Variants in TSPAN9 observed in about 807,000 individuals in gnomAD.
The protein encoded by TSPAN9 is tetraspanin 9.
TSPAN9 carries 16 observed loss-of-function variants against 31.0 expected under a neutral mutation model. The ratio of observed to expected loss-of-function variants is 0.52; its 90% CI spans 0.35 to 0.78. TSPAN9 has a LOEUF of 0.78. Ranked by LOEUF, TSPAN9 falls within the 30% of genes least tolerant of loss-of-function variation. The pLI, the probability that TSPAN9 is intolerant of heterozygous loss-of-function variation, is 0.01. For synonymous variants in TSPAN9, 145 were observed against 121.6 expected, an observed-to-expected ratio of 1.19 and a Z score of -1.27; for missense variants, 272 against 312.5, an observed-to-expected ratio of 0.87 and a Z score of 0.98.
At chr12:3,102,957 G>A (rs1397340941) in intron 2 of TSPAN9, among the ~76,000 whole-genome samples, 1 of 152,154 alleles carries the variant, frequency 6.6e-6, no homozygotes, top group Non-Finnish European at 1.5e-5. Flanking sequence ...ATGAACTCAC[G>A]AGGTGAAGCC....
chr12:3,271,599 C>T (rs924968576), intron 3 of TSPAN9, among the ~76,000 whole-genome samples: 2 of 152,058 alleles, frequency 1.3e-5, no homozygotes, highest in Non-Finnish European at 2.9e-5. Context: ...GCATTCAGCC[C>T]CTGGGAGACC....
intron 2 of TSPAN9, among the ~76,000 whole-genome samples, chr12:3,159,632 C>T (rs1057490164): frequency 3.3e-5 from 5 of 151,992 alleles, no homozygotes; most frequent in African/African-American, 4.8e-5. Flanking sequence ...TTTGGGATGC[C>T]GAGGCAGGAA....
intron 2 of TSPAN9, among the ~76,000 whole-genome samples, chr12:3,116,217 C>T (rs1409083811): frequency 6.6e-6 from 1 of 152,202 alleles, no homozygotes; most frequent in Non-Finnish European, 1.5e-5. Context: ...GGCTGCTGCC[C>T]CTATAAGCTG....
chr12:3,137,467 G>T (rs567611910), intron 2 of TSPAN9, among the ~76,000 whole-genome samples: 2 of 152,318 alleles, frequency 1.3e-5, no homozygotes, highest in South Asian at 4.1e-4. Context: ...GGTTTTTCCA[G>T]CTGACACAGC....
rs549375188 is a variant in TSPAN9, at chr12:3,276,840, G to A, written c.64-1581G>A. ...TACGCAGGTGTTCACTTGGGTTTGT[G>A]GAGGAATAAGCGAAGGAGATGCCCT... On this transcript the variant is annotated intron_variant, in intron 3 of 8. Coordinates refer to ENST00000011898, the MANE Select transcript of TSPAN9 (RefSeq NM_006675.5). 1.6e-3 allele frequency among the ~76,000 whole-genome samples: 251 copies of A among 152,286 alleles called. 1 individual carries two copies. The highest frequency in any genetic ancestry group is 0.012 in the South Asian group (57 of 4,822).
intron 2 of TSPAN9, among the ~76,000 whole-genome samples, chr12:3,182,478 T>TC (rs1214496113): frequency 3.9e-5 from 6 of 151,996 alleles, no homozygotes; most frequent in African/African-American, 7.2e-5. Flanking sequence ...TTTTTTTTTT[T>TC]CACTAGATAC....
At chr12:3,155,405 C>T (rs557079032) in intron 2 of TSPAN9, among the ~76,000 whole-genome samples, 5 of 152,242 alleles carry the variant, frequency 3.3e-5, no homozygotes, top group Admixed American at 6.5e-5. Context: ...GAAATCAGCA[C>T]GAGGAGGCCT....
chr12:3,265,620 G>GC, intron 3 of TSPAN9, among the ~76,000 whole-genome samples: 1 of 152,310 alleles, frequency 6.6e-6, no homozygotes, highest in South Asian at 2.1e-4. Context: ...TCTGTCCGCT[G>GC]CCCCTGCCTG....
At chr12:3,282,983 G>A in intron 8 of TSPAN9, 62 bp from the exon 9 acceptor site, 2 of 1,568,618 alleles carry the variant, frequency 1.3e-6, no homozygotes, top group Non-Finnish European at 1.7e-6. Context: ...AAGCCTCTCG[G>A]GGCTGAGGTC....
At chr12:3,232,479 C>G (rs2098391259) in intron 3 of TSPAN9, among the ~76,000 whole-genome samples, 1 of 152,196 alleles carries the variant, frequency 6.6e-6, no homozygotes. Flanking sequence ...CTTTCCGTCT[C>G]CTGCCTTCTG....
chr12:3,197,214 CTT>C (rs2098367491), intron 2 of TSPAN9, among the ~76,000 whole-genome samples: 1 of 152,218 alleles, frequency 6.6e-6, no homozygotes, highest in Non-Finnish European at 1.5e-5. Context: ...AAACAGGTCT[CTT>C]GACTCTTGGT....
rs769274139 is a variant in TSPAN9 at position 3,187,330 on chromosome 12, TC to T, written c.-17-13845del. Among the ~76,000 whole-genome samples the T allele has an allele frequency of 6.6e-6, 1 of 152,134 alleles. No individual in the cohort carries two copies. The highest frequency in any genetic ancestry group is 2.4e-5 in the African/African-American group (1 of 41,422). ...GTCTCTGCTTTTCCTAGCTGGGTAA[TC>T]CTAAATGCATGAGTGTCCTCTCAGC... On this transcript the variant is annotated intron_variant, in intron 2 of 8. Coordinates refer to ENST00000011898, the MANE Select transcript of TSPAN9 (RefSeq NM_006675.5). The surrounding 1 kb of genome is among the most constrained non-coding windows in gnomAD (Gnocchi z 5.2).
At chr12:3,127,033 C>T (rs1201173272) in intron 2 of TSPAN9, among the ~76,000 whole-genome samples, 1 of 152,098 alleles carries the variant, frequency 6.6e-6, no homozygotes, top group African/African-American at 2.4e-5. Flanking sequence ...CCTTTGCCTC[C>T]CAAGTAGCTG....
intron 2 of TSPAN9, among the ~76,000 whole-genome samples, chr12:3,199,364 C>G (rs1178531449): frequency 6.6e-6 from 1 of 152,208 alleles, no homozygotes; most frequent in Admixed American, 6.5e-5. Flanking sequence ...AGGTGGGCTC[C>G]CCACCCGCAA....
At chr12:3,226,770 A>T (rs1404907865) in intron 3 of TSPAN9, among the ~76,000 whole-genome samples, 7 of 1,930 alleles carry the variant, frequency 3.6e-3, no homozygotes, top group Non-Finnish European at 4.6e-3. Context: ...ATATATATAT[A>T]TATATATATA....
chr12:3,164,088 G>T (rs1006304749), intron 2 of TSPAN9, among the ~76,000 whole-genome samples: 4 of 152,194 alleles, frequency 2.6e-5, no homozygotes, highest in African/African-American at 7.2e-5. Context: ...TGGTACTGAG[G>T]CTGGACCGTT....
At chr12:3,262,725 G>A (rs527968629) in intron 3 of TSPAN9, among the ~76,000 whole-genome samples, 2 of 151,554 alleles carry the variant, frequency 1.3e-5, no homozygotes, top group African/African-American at 2.4e-5. Context: ...AGCTCCGCTC[G>A]TTCCAGGTGA....
rs530900094 is a variant in TSPAN9 at position 3,098,046 on chromosome 12, C to T, written c.-18+14327C>T. Among the ~76,000 whole-genome samples the T allele has an allele frequency of 5.3e-5, 8 of 152,002 alleles. No individual in the cohort carries two copies. In the South Asian group the frequency reaches 8.3e-4, roughly 16 times the overall value. ...GTAGATGTGCACCGATGCAGGACGT[C>T]GGCCAGAGTGCAGAGTGCAGAGTGC... On this transcript the variant is annotated intron_variant, in intron 2 of 8. Transcript: ENST00000011898.
At chr12:3,090,017 C>T (rs1052696847) in intron 2 of TSPAN9, among the ~76,000 whole-genome samples, 3 of 152,084 alleles carry the variant, frequency 2.0e-5, no homozygotes, top group African/African-American at 7.2e-5. Context: ...GGAAAATCTC[C>T]CCTAATCCTA....
Sources: gnomAD v4.1 joint callset for allele counts (sites outside exome capture counted in the v4.1 genomes callset) on GRCh38, gnomAD v4.1.1 for gene constraint, Gnocchi (gnomAD v3.1) non-coding constraint, MANE v1.5 for transcripts, NCBI Gene and HGNC (gene_info 2026-07-23, HGNC 2026-07-21) for gene names.